The following LYPLA1 variants were observed in gnomAD, a reference collection of about 807,000 sequenced individuals.
LYPLA1 encodes the protein lysophospholipase 1.
A neutral mutation model predicts 34.0 loss-of-function variants in LYPLA1; 17 were observed. The ratio of observed to expected loss-of-function variants is 0.50; its 90% CI spans 0.34 to 0.75. The LOEUF (loss-of-function observed/expected upper bound fraction) is 0.75, where lower values mean the gene tolerates loss of function less well. Ranked by LOEUF, LYPLA1 falls within the 30% of genes least tolerant of loss-of-function variation. The pLI is 0.01. For missense variants in LYPLA1, 203 were observed against 288.8 expected (o/e 0.70, Z 2.15); for synonymous variants, 98 against 100.8 (o/e 0.97, Z 0.17).
chr8:54,075,930 T>A (rs911967397), intron 2 of LYPLA1, among the ~76,000 whole-genome samples: 1 of 152,140 alleles, frequency 6.6e-6, no homozygotes, highest in Non-Finnish European at 1.5e-5. Flanking sequence ...TATTGATTGG[T>A]CCCCTAAGGG....
chr8:54,086,539 C>A lies in LYPLA1; in HGVS notation c.101+14369G>T, dbSNP rs532091889. Among the ~76,000 whole-genome samples, 301 of 96,970 alleles carry A rather than the reference C, an allele frequency of 3.1e-3. 2 individuals carry two copies. Among genetic ancestry groups the A allele is most frequent in the African/African-American group, 0.012 (293 of 24,268 alleles). The allele number at this position is 96,970 out of a possible 152,430, so 63.6% of individuals were successfully genotyped here. On this transcript the variant is annotated intron_variant, in intron 2 of 8. Transcript: ENST00000316963. ...TAGAAGGCCATTATTACTCTGACAT[C>A]AAAACCAAAGGGTACCAAAAAAAAA...
At chr8:54,090,897 C>T (rs962490101) in intron 2 of LYPLA1, among the ~76,000 whole-genome samples, 4 of 152,162 alleles carry the variant, frequency 2.6e-5, no homozygotes, top group South Asian at 2.1e-4. Flanking sequence ...CCTCCCCCTT[C>T]GCTCAGCTCT....
intron 2 of LYPLA1, chr8:54,073,442 T>C (rs867024390): frequency 1.3e-6 from 1 of 773,490 alleles, no homozygotes; most frequent in Admixed American, 1.7e-5. Context: ...CAGCCATTTA[T>C]CTACCTGGCT....
chr8:54,097,310 A>G (rs902153296), intron 2 of LYPLA1, among the ~76,000 whole-genome samples: 1 of 152,226 alleles, frequency 6.6e-6, no homozygotes, highest in Non-Finnish European at 1.5e-5. Context: ...AAATGCATAA[A>G]CTGAATCTAA....
chr8:54,054,456 T>C (rs894706315), intron 6 of LYPLA1: 3 of 151,936 alleles, frequency 2.0e-5, no homozygotes, highest in Non-Finnish European at 2.9e-5. Context: ...ATCTCCCTAA[T>C]TAAGGTAATC....
chr8:54,083,809 T>C (rs1808484242), intron 2 of LYPLA1, among the ~76,000 whole-genome samples: 1 of 152,048 alleles, frequency 6.6e-6, no homozygotes, highest in South Asian at 2.1e-4. Context: ...AATGCTCAAA[T>C]GGAAATGTAT....
intron 8 of LYPLA1, among the ~76,000 whole-genome samples, chr8:54,049,951 A>C (rs1009801246): frequency 2.6e-5 from 4 of 152,134 alleles, no homozygotes; most frequent in Admixed American, 2.6e-4. Context: ...AACACATTAC[A>C]CATCTCCTTC....
chr8:54,073,505 C>G lies in LYPLA1; in HGVS notation c.102-7692G>C, dbSNP rs1455893962. Reference sequence around the variant, plus strand: ...CATAGCTTCCAGGACTCCAGAACTACCAGCATCTACACTGCCACTTCTATG... The same window carrying G: ...CATAGCTTCCAGGACTCCAGAACTAGCAGCATCTACACTGCCACTTCTATG... On this transcript the variant is annotated intron_variant, in intron 2 of 8. Transcript: ENST00000316963. 4 of 723,600 alleles carry G rather than the reference C, an allele frequency of 5.5e-6. No homozygotes were observed. In the East Asian group the frequency reaches 7.7e-5, roughly 14 times the overall value. 44.8% of individuals were successfully genotyped at this position (723,600 alleles called of 1,614,324 possible). A position where few individuals can be genotyped will look rare whatever the true frequency, so the allele number is the denominator to read the frequency against.
rs536149726 is a variant in LYPLA1, at chr8:54,085,151, TG to T, written c.101+15756del. Among the ~76,000 whole-genome samples the T allele has an allele frequency of 5.9e-5, 9 of 152,326 alleles. No individual in the cohort carries two copies. The East Asian group carries it at 1.7e-3, about 29-fold the overall frequency. ...GAAGGCGCGCACTGCCACGCCTGACTGGTTTTTGTATTTTTTGGTTGAGACA... is the reference window on the plus strand; with the variant it reads ...GAAGGCGCGCACTGCCACGCCTGACTGTTTTTGTATTTTTTGGTTGAGACA... On this transcript the variant is annotated intron_variant, in intron 2 of 8. Coordinates refer to ENST00000316963, the MANE Select transcript of LYPLA1 (RefSeq NM_006330.4).
At chr8:54,090,721 G>C (rs1809169141) in intron 2 of LYPLA1, among the ~76,000 whole-genome samples, 2 of 152,118 alleles carry the variant, frequency 1.3e-5, no homozygotes, top group East Asian at 3.9e-4. Flanking sequence ...GATCCGCCTG[G>C]GAACAAAGAG....
At chr8:54,072,443 AC>A (rs1480793505) in intron 2 of LYPLA1, among the ~76,000 whole-genome samples, 1 of 152,228 alleles carries the variant, frequency 6.6e-6, no homozygotes, top group Non-Finnish European at 1.5e-5. Flanking sequence ...AACAGAGTAA[AC>A]AAACATCCTG....
intron 2 of LYPLA1, among the ~76,000 whole-genome samples, chr8:54,099,037 T>A (rs942112224): frequency 6.6e-6 from 1 of 152,228 alleles, no homozygotes; most frequent in Non-Finnish European, 1.5e-5. Flanking sequence ...TTGGTCAAGA[T>A]GTAATGGATG....
intron 2 of LYPLA1, among the ~76,000 whole-genome samples, chr8:54,078,115 T>C (rs1030134912): frequency 5.3e-5 from 8 of 151,966 alleles, no homozygotes; most frequent in South Asian, 4.2e-4. Context: ...CACGCCCTGC[T>C]AATTTTTTGT....
At chr8:54,084,141 A>AT (rs1554547935) in intron 2 of LYPLA1, among the ~76,000 whole-genome samples, 33 of 118,662 alleles carry the variant, frequency 2.8e-4, no homozygotes, top group African/African-American at 1.2e-3. Context: ...AAAATAAATA[A>AT]ATATATATAT....
intron 3 of LYPLA1, among the ~76,000 whole-genome samples, chr8:54,065,407 G>A (rs904920309): frequency 8.6e-5 from 13 of 151,890 alleles, no homozygotes; most frequent in Admixed American, 7.2e-4. Flanking sequence ...GCAGTGAGCC[G>A]AGATCACGCC....
intron 5 of LYPLA1, among the ~76,000 whole-genome samples, chr8:54,057,328 G>C (rs1208685338): frequency 2.6e-5 from 4 of 152,020 alleles, no homozygotes; most frequent in Non-Finnish European, 5.9e-5. Flanking sequence ...CCAAAAGAAA[G>C]GAAATCAGTA....
At chr8:54,072,659 G>A (rs1303674490) in intron 2 of LYPLA1, among the ~76,000 whole-genome samples, 1 of 151,498 alleles carries the variant, frequency 6.6e-6, no homozygotes, top group Non-Finnish European at 1.5e-5. Flanking sequence ...TTGAAAAGTA[G>A]ACAAAAAACA....
At chr8:54,094,499 T>C (rs1809531886) in intron 2 of LYPLA1, among the ~76,000 whole-genome samples, 1 of 152,190 alleles carries the variant, frequency 6.6e-6, no homozygotes, top group Non-Finnish European at 1.5e-5. Flanking sequence ...TAATAAACCC[T>C]GTGGTGCTGG....
chr8:54,083,682 C>T (rs982602354), intron 2 of LYPLA1, among the ~76,000 whole-genome samples: 4 of 152,106 alleles, frequency 2.6e-5, no homozygotes, highest in East Asian at 1.9e-4. Flanking sequence ...TATTTATGTA[C>T]AATAAAATCT....
Sources: gnomAD v4.1 joint callset for allele counts (sites outside exome capture counted in the v4.1 genomes callset) on GRCh38, gnomAD v4.1.1 for gene constraint, MANE v1.5 for transcripts, NCBI Gene and HGNC (gene_info 2026-07-23, HGNC 2026-07-21) for gene names.